The following CDH13 variants were observed in gnomAD, a reference collection of about 807,000 sequenced individuals.
CDH13 encodes cadherin 13, also known as cadherin-13.
Under a neutral mutation model 63.8 loss-of-function variants are expected in CDH13, and 24 were observed. The ratio of observed to expected loss-of-function variants is 0.38; its 90% CI spans 0.27 to 0.53. The LOEUF is 0.53. CDH13 is among the 20% of genes least tolerant of loss of function. CDH13 has a pLI of 0.85. For synonymous variants in CDH13, 503 were observed against 355.3 expected, an observed-to-expected ratio of 1.42 and a Z score of -4.67; for missense variants, 1,049 against 903.1, an observed-to-expected ratio of 1.16 and a Z score of -2.07.
intron 6 of CDH13, among the ~76,000 whole-genome samples, chr16:83,377,702 C>T (rs1230174586): frequency 1.3e-5 from 2 of 152,136 alleles, no homozygotes; most frequent in East Asian, 1.9e-4. Flanking sequence ...GATAATGACT[C>T]CCACACTTAT....
intron 7 of CDH13, among the ~76,000 whole-genome samples, chr16:83,586,519 G>A (rs1906175159): frequency 6.6e-6 from 1 of 152,186 alleles, no homozygotes; most frequent in Non-Finnish European, 1.5e-5. Context: ...AGCCGAGAAG[G>A]GCAAGACCAA....
At chr16:83,197,161 T>C (rs546591209) in intron 4 of CDH13, among the ~76,000 whole-genome samples, 2 of 152,210 alleles carry the variant, frequency 1.3e-5, no homozygotes, top group Admixed American at 6.5e-5. Context: ...CAGGGAATTA[T>C]GCTGAATGAA....
At chr16:83,256,637 C>A (rs1906300730) in intron 5 of CDH13, among the ~76,000 whole-genome samples, 3 of 144,836 alleles carry the variant, frequency 2.1e-5, no homozygotes, top group Admixed American at 1.4e-4. Context: ...GGAGGCCATC[C>A]TGGCTAACAC....
chr16:82,742,145 G>T (rs923836971), intron 1 of CDH13, among the ~76,000 whole-genome samples: 1 of 152,266 alleles, frequency 6.6e-6, no homozygotes, highest in Non-Finnish European at 1.5e-5. Context: ...TACCATGTAT[G>T]TTCCAACATA....
chr16:82,669,953 T>A (rs192775305), intron 1 of CDH13, among the ~76,000 whole-genome samples: 1 of 152,246 alleles, frequency 6.6e-6, no homozygotes, highest in African/African-American at 2.4e-5. Context: ...TTGCAGCCTG[T>A]ACATTTTCCC....
At chr16:82,849,734 G>A (rs1022918730) in intron 1 of CDH13, among the ~76,000 whole-genome samples, 1 of 152,190 alleles carries the variant, frequency 6.6e-6, no homozygotes, top group African/African-American at 2.4e-5. Context: ...TGGGACTAAT[G>A]CAACTGATGA....
At chr16:83,577,360 G>C (rs1431382433) in intron 7 of CDH13, among the ~76,000 whole-genome samples, 1 of 152,184 alleles carries the variant, frequency 6.6e-6, no homozygotes, top group Non-Finnish European at 1.5e-5. Flanking sequence ...TCCATGTCAC[G>C]CCTCACTGCC....
At chr16:83,196,265 A>G (rs2038875854) in intron 4 of CDH13, among the ~76,000 whole-genome samples, 1 of 152,174 alleles carries the variant, frequency 6.6e-6, no homozygotes, top group Admixed American at 6.5e-5. Context: ...CAAAAAAGAA[A>G]AAAAAACAAA....
At chr16:83,783,621 G>A in intron 13 of CDH13, 149 bp downstream of exon 13, 1 of 732,118 alleles carries the variant, frequency 1.4e-6, no homozygotes, top group South Asian at 1.5e-5. Flanking sequence ...GATAGAACAT[G>A]TTATATGTAA....
At chr16:82,697,967 G>T (rs1340048962) in intron 1 of CDH13, among the ~76,000 whole-genome samples, 1 of 152,144 alleles carries the variant, frequency 6.6e-6, no homozygotes, top group African/African-American at 2.4e-5. Flanking sequence ...CCCCATAGAT[G>T]AGCTCCTTGA....
chr16:82,936,375 A>G (rs1312845084), intron 2 of CDH13, among the ~76,000 whole-genome samples: 1 of 152,184 alleles, frequency 6.6e-6, no homozygotes, highest in African/African-American at 2.4e-5. Flanking sequence ...TGTGAATTGT[A>G]CATGCCAGGG....
At chr16:82,704,638 C>T (rs745968332) in intron 1 of CDH13, among the ~76,000 whole-genome samples, 1 of 152,146 alleles carries the variant, frequency 6.6e-6, no homozygotes, top group Non-Finnish European at 1.5e-5. Context: ...GGGTCCTTTT[C>T]CTGGCCTGGG....
At position 83,215,459 on chromosome 16, in the gene CDH13, G is replaced by A. The variant is rs549571909; in HGVS notation, c.484-1886G>A. 8.6e-5 allele frequency among the ~76,000 whole-genome samples: 13 copies of A among 151,350 alleles called. No homozygotes were observed. In the South Asian group the frequency reaches 2.5e-3, roughly 29 times the overall value. ...TACAAACATATGTAATTGGTGTTTA[G>A]TCAACACTCAGTGTATTTTAATAAA... On this transcript the variant is annotated intron_variant, in intron 4 of 13. Transcript: ENST00000567109.
intron 7 of CDH13, among the ~76,000 whole-genome samples, chr16:83,535,990 A>G (rs972839496): frequency 6.6e-6 from 1 of 152,134 alleles, no homozygotes; most frequent in African/African-American, 2.4e-5. Flanking sequence ...AAACCCATGG[A>G]CACCCACAGA....
intron 4 of CDH13, among the ~76,000 whole-genome samples, chr16:83,185,785 T>G (rs2038498681): frequency 6.6e-6 from 1 of 152,194 alleles, no homozygotes; most frequent in African/African-American, 2.4e-5. Flanking sequence ...TCATAAGTGG[T>G]GACAACTTAC....
chr16:83,216,914 C>A (rs2039552338), intron 4 of CDH13, among the ~76,000 whole-genome samples: 1 of 152,008 alleles, frequency 6.6e-6, no homozygotes, highest in Non-Finnish European at 1.5e-5. Context: ...GCAGGTGACA[C>A]TGGATTAGTG....
intron 13 of CDH13, chr16:83,789,857 C>T (rs919220161): frequency 9.2e-5 from 14 of 152,132 alleles, no homozygotes; most frequent in African/African-American, 2.7e-4. Context: ...ATTTCCATAT[C>T]GCCTGTGCCC....
chr16:82,797,048 A>C (rs149564367), intron 1 of CDH13, among the ~76,000 whole-genome samples: 1 of 152,230 alleles, frequency 6.6e-6, no homozygotes, highest in Non-Finnish European at 1.5e-5. Context: ...TTCCATGACT[A>C]TGTACTTGTC....
intron 1 of CDH13, among the ~76,000 whole-genome samples, chr16:82,662,078 C>T (rs925808658): frequency 6.6e-6 from 1 of 152,216 alleles, no homozygotes; most frequent in Non-Finnish European, 1.5e-5. Flanking sequence ...CTGGACACCA[C>T]TGAGTCAAAT....
Sources: allele counts gnomAD v4.1 joint callset (sites outside exome capture counted in the v4.1 genomes callset), GRCh38; gene constraint gnomAD v4.1.1; transcripts MANE v1.5; gene names NCBI Gene and HGNC (gene_info 2026-07-23, HGNC 2026-07-21).